Variants in DGKI observed in about 807,000 individuals in gnomAD.
DGKI encodes diacylglycerol kinase iota.
In DGKI, 55 loss-of-function variants were observed where a neutral mutation model predicts 147.5. The observed-to-expected ratio is 0.37, with a 90% CI of 0.30 to 0.47. The LOEUF is 0.47. Among genes scored for constraint, DGKI ranks in the 20% least tolerant of loss-of-function variants. The probability of loss-of-function intolerance (pLI) is 1.00; values close to 1 mark genes in which losing one functional copy is unlikely to be tolerated. For synonymous variants in DGKI, 469 were observed against 477.1 expected, an observed-to-expected ratio of 0.98 and a Z score of 0.22; for missense variants, 1,007 against 1,323.8, an observed-to-expected ratio of 0.76 and a Z score of 3.71.
rs1384587454 is a variant in DGKI at position 137,386,527 on chromosome 7, G to A, written c.*4693C>T. 1 of 152,146 alleles carries A rather than the reference G, an allele frequency of 6.6e-6. No homozygotes were observed. Among genetic ancestry groups the A allele is most frequent in the Non-Finnish European group, 1.5e-5 (1 of 68,014 alleles). The allele number at this position is 152,146 out of a possible 1,614,324, so 9.4% of individuals were successfully genotyped here. A position where few individuals can be genotyped will look rare whatever the true frequency, so the allele number is the denominator to read the frequency against. ...TGTCCTTTGAGTAAAAGGTATACTT[G>A]TCCCAGAGGGTAATTTCATTTTGAT... On this transcript the variant is annotated 3_prime_UTR_variant, in exon 33 of 33. Coordinates refer to ENST00000614521, the MANE Select transcript of DGKI (RefSeq NM_001321708.2).
At position 137,401,484 on chromosome 7, in the gene DGKI, C is replaced by T. The variant is rs114678693; in HGVS notation, c.2921-4071G>A. Among the ~76,000 whole-genome samples the T allele has an allele frequency of 2.8e-3, 427 of 152,128 alleles. 5 individuals carry two copies. Among genetic ancestry groups the T allele is most frequent in the African/African-American group, 8.6e-3 (358 of 41,508 alleles). The stretch of plus-strand genomic sequence containing the variant: ...AGATCAAAGTTACAGTGAGCCATGA[C>T]TGCACTCTAGCCTGGGTGACAGAGT... On this transcript the variant is annotated intron_variant, in intron 30 of 32. Transcript: ENST00000614521.
chr7:137,609,344 C>T (rs931564799), intron 9 of DGKI, among the ~76,000 whole-genome samples, 191 bp downstream of exon 9: 4 of 151,962 alleles, frequency 2.6e-5, no homozygotes, highest in South Asian at 2.1e-4. Context: ...TCCAGGCAAG[C>T]GCAGAGGTTA....
intron 3 of DGKI, among the ~76,000 whole-genome samples, chr7:137,678,066 G>A (rs1232603453): frequency 2.6e-5 from 4 of 152,076 alleles, no homozygotes; most frequent in African/African-American, 7.2e-5. Flanking sequence ...TTCTAGAATC[G>A]TATCCTCCAG....
At position 137,618,151 on chromosome 7, in the gene DGKI, A is replaced by ATATATATATATTTTTT; in HGVS notation, c.993+1672_993+1673insAAAAAATATATATATA. Among the ~76,000 whole-genome samples, 64 of 10,448 alleles carry ATATATATATATTTTTT rather than the reference A, an allele frequency of 6.1e-3. 3 individuals are homozygous for ATATATATATATTTTTT. The highest frequency in any genetic ancestry group is 7.8e-3 in the African/African-American group (62 of 7,992). 6.9% of individuals were successfully genotyped at this position (10,448 alleles called of 152,430 possible). ...ACTATATATATATATATATATATAT[A>ATATATATATATTTTTT]TTTTTTTTTTTTTACTCTATCATTC... On this transcript the variant is annotated intron_variant, in intron 8 of 32. Transcript: ENST00000614521.
At chr7:137,642,031 A>C (rs1821644654) in intron 6 of DGKI, among the ~76,000 whole-genome samples, 1 of 85,400 alleles carries the variant, frequency 1.2e-5, no homozygotes, top group African/African-American at 4.6e-5. Flanking sequence ...GATCTAGTGA[A>C]GATCAGAGAC....
chr7:137,609,367 T>C (rs549552202), intron 9 of DGKI, among the ~76,000 whole-genome samples, 168 bp downstream of exon 9: 7 of 152,260 alleles, frequency 4.6e-5, no homozygotes, highest in African/African-American at 1.7e-4. Context: ...TTTGAGTGTT[T>C]GTTTTTTTAA....
intron 1 of DGKI, among the ~76,000 whole-genome samples, chr7:137,696,773 C>G (rs1454839016): frequency 6.6e-6 from 1 of 152,052 alleles, no homozygotes; most frequent in Admixed American, 6.5e-5. Context: ...CCAAAGTTCC[C>G]ATGTTGAAGT....
chr7:137,466,803 C>T, intron 25 of DGKI, 99 bp downstream of exon 25: 1 of 1,224,358 alleles, frequency 8.2e-7, no homozygotes, highest in Non-Finnish European at 1.2e-6. Context: ...ATTTGTGTCT[C>T]AGTGGTTTTC....
intron 1 of DGKI, among the ~76,000 whole-genome samples, chr7:137,821,925 T>G (rs1199907166): frequency 3.3e-5 from 5 of 152,076 alleles, no homozygotes. Context: ...TAGAGAGTAA[T>G]TAGACCCCCA....
intron 1 of DGKI, among the ~76,000 whole-genome samples, chr7:137,829,172 G>A (rs1346918612): frequency 1.3e-5 from 2 of 152,242 alleles, no homozygotes; most frequent in Non-Finnish European, 2.9e-5. Context: ...AGAGGAAGAT[G>A]CAGTTTGCAA....
At chr7:137,449,342 T>G (rs1343012206) in intron 27 of DGKI, among the ~76,000 whole-genome samples, 1 of 152,198 alleles carries the variant, frequency 6.6e-6, no homozygotes, top group African/African-American at 2.4e-5. Flanking sequence ...TACATGTTTA[T>G]AGCCAACTGA....
intron 5 of DGKI, among the ~76,000 whole-genome samples, chr7:137,647,992 A>G (rs1302739508): frequency 2.0e-5 from 3 of 152,204 alleles, no homozygotes; most frequent in Admixed American, 2.0e-4. Context: ...TGGCAGCAGA[A>G]TCTGTGCCCT....
At chr7:137,451,473 C>A (rs1297562727) in intron 27 of DGKI, among the ~76,000 whole-genome samples, 1 of 152,178 alleles carries the variant, frequency 6.6e-6, no homozygotes, top group Non-Finnish European at 1.5e-5. Context: ...TCCTTCAAAG[C>A]CTTTTATCTT....
chr7:137,589,851 C>T (rs1819545320), intron 12 of DGKI, among the ~76,000 whole-genome samples: 1 of 152,102 alleles, frequency 6.6e-6, no homozygotes, highest in Non-Finnish European at 1.5e-5. Flanking sequence ...ATCATTCAAC[C>T]TCTCCTTTAT....
chr7:137,802,188 G>A (rs1289184188), intron 1 of DGKI, among the ~76,000 whole-genome samples: 3 of 152,150 alleles, frequency 2.0e-5, no homozygotes, highest in Non-Finnish European at 2.9e-5. Flanking sequence ...GCTAAGCTAT[G>A]AGGAGGCAAA....
intron 1 of DGKI, among the ~76,000 whole-genome samples, chr7:137,825,479 C>T (rs1798027508): frequency 6.6e-6 from 1 of 152,134 alleles, no homozygotes. Context: ...GCACCAACAG[C>T]CATGATGGGA....
At chr7:137,690,099 T>TG (rs1823554752) in intron 1 of DGKI, 97 bp from the exon 2 acceptor site, 1 of 740,196 alleles carries the variant, frequency 1.4e-6, no homozygotes, top group Non-Finnish European at 2.1e-6. Context: ...AAACAATGCC[T>TG]GAGTTAGCCT....
chr7:137,846,808 G>T lies in DGKI; in HGVS notation c.55C>A (p.Pro19Thr). The part of the protein sequence containing the change: ...HLLPLPAARG[P>T]ARAPAAAAAA... ...GCGGCGGCTGCAGGAGCGCGGGCAG[G>T]TCCGCGCGCCGCTGGCAGGGGCAGC... The change falls in exon 1 of 33, where the codon CCT becomes ACT. Residue 19 changes from proline to threonine, a missense_variant. Pro to Thr is a conservative substitution (Grantham distance 38). Coordinates refer to ENST00000614521, the MANE Select transcript of DGKI (RefSeq NM_001321708.2). This position sits in a 1 kb window ranked among gnomAD's most constrained non-coding sequence, Gnocchi z 4.0. 8.8e-7 allele frequency: 1 copy of T among 1,137,422 alleles called. No homozygotes were observed. Among genetic ancestry groups the T allele is most frequent in the Non-Finnish European group, 1.1e-6 (1 of 927,678 alleles). 70.5% of individuals were successfully genotyped at this position (1,137,422 alleles called of 1,614,324 possible). A position where few individuals can be genotyped will look rare whatever the true frequency, so the allele number is the denominator to read the frequency against.
At chr7:137,834,081 T>C (rs532192981) in intron 1 of DGKI, among the ~76,000 whole-genome samples, 69 of 152,300 alleles carry the variant, frequency 4.5e-4, no homozygotes, top group Admixed American at 1.2e-3. Context: ...CCTTATAAAG[T>C]TGTGATAAGA....
Sources: gnomAD v4.1 joint callset for allele counts (sites outside exome capture counted in the v4.1 genomes callset) on GRCh38, gnomAD v4.1.1 for gene constraint, Gnocchi (gnomAD v3.1) non-coding constraint, MANE v1.5 for transcripts, NCBI Gene and HGNC (gene_info 2026-07-23, HGNC 2026-07-21) for gene names.